The following GNAQ variants were observed in gnomAD, a reference collection of about 807,000 sequenced individuals.
The protein encoded by GNAQ is guanine nucleotide-binding protein G(q) subunit alpha.
A neutral mutation model predicts 43.9 loss-of-function variants in GNAQ; 8 were observed. The ratio of observed to expected loss-of-function variants is 0.18; its 90% CI spans 0.11 to 0.33. GNAQ has a LOEUF of 0.33. GNAQ is among the 10% of genes least tolerant of loss of function. GNAQ has a pLI of 1.00. For synonymous variants in GNAQ, 155 were observed against 170.7 expected (o/e 0.91, Z 0.71); for missense variants, 158 against 450.8 (o/e 0.35, Z 5.88).
intron 1 of GNAQ, among the ~76,000 whole-genome samples, chr9:78,011,334 A>G (rs894182788): frequency 6.6e-6 from 1 of 152,228 alleles, no homozygotes. Context: ...AAGGAAGTCA[A>G]TGAGATTCCA....
At chr9:77,811,796 T>C (rs1437139603) in intron 3 of GNAQ, among the ~76,000 whole-genome samples, 3 of 152,214 alleles carry the variant, frequency 2.0e-5, no homozygotes, top group Non-Finnish European at 2.9e-5. Flanking sequence ...TGGGCACTGA[T>C]GTATAGGTGG....
At chr9:77,821,807 G>C (rs570061608) in intron 2 of GNAQ, among the ~76,000 whole-genome samples, 35 of 151,576 alleles carry the variant, frequency 2.3e-4, no homozygotes, top group African/African-American at 8.5e-4. Flanking sequence ...TTTATCTTCA[G>C]AGAGTTTATA....
At chr9:77,868,719 C>T (rs1051554796) in intron 2 of GNAQ, among the ~76,000 whole-genome samples, 10 of 152,070 alleles carry the variant, frequency 6.6e-5, no homozygotes, top group South Asian at 2.1e-4. Flanking sequence ...CACTTGAACC[C>T]GGGAGGCAGA....
intron 5 of GNAQ, among the ~76,000 whole-genome samples, chr9:77,734,024 G>A (rs998804891): frequency 1.8e-4 from 28 of 152,152 alleles, no homozygotes; most frequent in African/African-American, 5.3e-4. Flanking sequence ...ACAAATCTCC[G>A]CATAACAATT....
At chr9:77,760,954 G>A (rs1226803335) in intron 5 of GNAQ, among the ~76,000 whole-genome samples, 1 of 151,092 alleles carries the variant, frequency 6.6e-6, no homozygotes, top group African/African-American at 2.4e-5. Context: ...TGAGAAGGGA[G>A]GAGACCCTCC....
intron 5 of GNAQ, among the ~76,000 whole-genome samples, chr9:77,757,330 C>G (rs1220757621): frequency 2.0e-5 from 3 of 152,178 alleles, no homozygotes; most frequent in Admixed American, 6.5e-5. Flanking sequence ...ATTTATCTCA[C>G]TTTCAGCTAG....
At position 77,755,455 on chromosome 9, in the gene GNAQ, A is replaced by C. The variant is rs142630431; in HGVS notation, c.736-26788T>G. Among the ~76,000 whole-genome samples, 234 of 152,316 alleles carry C rather than the reference A, an allele frequency of 1.5e-3. 2 individuals are homozygous for C. Among genetic ancestry groups the C allele is most frequent in the African/African-American group, 4.3e-3 (179 of 41,580 alleles). On this transcript the variant is annotated intron_variant, in intron 5 of 6. Transcript: ENST00000286548. ...TATTACACACTGCATGCCTCTATCA[A>C]AATGTGTCATGTACCCTATAAATAT...
intron 1 of GNAQ, among the ~76,000 whole-genome samples, chr9:78,013,880 A>G (rs553276041): frequency 8.5e-5 from 13 of 152,180 alleles, no homozygotes; most frequent in Admixed American, 3.9e-4. Context: ...TTCTAATAGA[A>G]GCCATATAGC....
chr9:77,979,709 TAAGATACTTTCAC>T (rs1823345975), intron 1 of GNAQ, among the ~76,000 whole-genome samples: 1 of 152,238 alleles, frequency 6.6e-6, no homozygotes, highest in South Asian at 2.1e-4. Context: ...CTTATGATAC[TAAGATACTTTCAC>T]AAGCAACATG....
At chr9:77,775,407 C>G (rs980652545) in intron 5 of GNAQ, among the ~76,000 whole-genome samples, 1 of 141,548 alleles carries the variant, frequency 7.1e-6, no homozygotes, top group Non-Finnish European at 1.5e-5. Flanking sequence ...CTCCTCATCT[C>G]TCTTTTTTTT....
At chr9:77,782,325 G>A (rs1034050411) in intron 5 of GNAQ, among the ~76,000 whole-genome samples, 8 of 152,152 alleles carry the variant, frequency 5.3e-5, no homozygotes, top group African/African-American at 1.9e-4. Flanking sequence ...ATTTTCTAAT[G>A]TGCCAAAGAC....
intron 2 of GNAQ, among the ~76,000 whole-genome samples, chr9:77,896,691 T>A (rs1828508859): frequency 6.6e-6 from 1 of 152,212 alleles, no homozygotes; most frequent in Non-Finnish European, 1.5e-5. Context: ...ACTAACAACA[T>A]TTTGTCTCTT....
At chr9:78,020,587 G>A in intron 1 of GNAQ, among the ~76,000 whole-genome samples, 1 of 152,156 alleles carries the variant, frequency 6.6e-6, no homozygotes, top group East Asian at 1.9e-4. Context: ...GTGGTAGGAT[G>A]GTGGAGGCGG....
At chr9:77,759,064 G>A (rs1825949124) in intron 5 of GNAQ, among the ~76,000 whole-genome samples, 1 of 152,104 alleles carries the variant, frequency 6.6e-6, no homozygotes, top group Non-Finnish European at 1.5e-5. Flanking sequence ...ATTTGAATAT[G>A]TACGAGTCTC....
intron 2 of GNAQ, among the ~76,000 whole-genome samples, chr9:77,838,290 C>G (rs922426941): frequency 8.7e-5 from 13 of 149,480 alleles, no homozygotes; most frequent in African/African-American, 3.0e-4. Flanking sequence ...ATTATAGGCA[C>G]GCACCACCAC....
chr9:78,011,412 A>C (rs1823771208), intron 1 of GNAQ, among the ~76,000 whole-genome samples: 1 of 152,216 alleles, frequency 6.6e-6, no homozygotes, highest in Non-Finnish European at 1.5e-5. Flanking sequence ...ACAAATGAAG[A>C]CAAGGCAAAG....
chr9:77,891,144 C>T (rs1828398568), intron 2 of GNAQ, among the ~76,000 whole-genome samples: 1 of 151,998 alleles, frequency 6.6e-6, no homozygotes, highest in Admixed American at 6.6e-5. Flanking sequence ...AAATGAGAAC[C>T]TTTAGTTTTC....
At chr9:78,018,290 C>T (rs1823863815) in intron 1 of GNAQ, among the ~76,000 whole-genome samples, 1 of 151,952 alleles carries the variant, frequency 6.6e-6, no homozygotes, top group Non-Finnish European at 1.5e-5. Context: ...TGCTTACAAC[C>T]TAATGTTAAG....
intron 1 of GNAQ, among the ~76,000 whole-genome samples, chr9:78,022,090 T>C (rs1166621243): frequency 6.6e-6 from 1 of 152,058 alleles, no homozygotes; most frequent in Non-Finnish European, 1.5e-5. Context: ...CAGGCCCCCC[T>C]CAAAGTGCTC....
Sources: allele counts gnomAD v4.1 joint callset (sites outside exome capture counted in the v4.1 genomes callset), GRCh38; gene constraint gnomAD v4.1.1; transcripts MANE v1.5; gene names NCBI Gene and HGNC (gene_info 2026-07-23, HGNC 2026-07-21).